Variants in IGSF10 observed in about 807,000 individuals in gnomAD.
IGSF10 encodes the protein calvaria mechanical force protein 608.
A neutral mutation model predicts 128.2 loss-of-function variants in IGSF10; 126 were observed. The observed-to-expected ratio is 0.98, with a 90% CI of 0.85 to 1.14. The LOEUF (loss-of-function observed/expected upper bound fraction) is 1.14, where lower values mean the gene tolerates loss of function less well. Ranked by LOEUF, IGSF10 falls within the 50% of genes most tolerant of loss-of-function variation. IGSF10 has a pLI of 0.00. For missense variants in IGSF10, 3,295 were observed against 3,149.8 expected (o/e 1.05, Z -1.10); for synonymous variants, 1,185 against 1,146.2 (o/e 1.03, Z -0.68).
At position 151,436,825 on chromosome 3, in the gene IGSF10, T is replaced by G. The variant is rs780722801; in HGVS notation, c.7736A>C (p.His2579Pro). 16 of 1,614,134 alleles carry G rather than the reference T, an allele frequency of 9.9e-6. No homozygotes were observed. The highest frequency in any genetic ancestry group is 1.7e-4 in the Middle Eastern group (1 of 6,060). Residue 2579 changes from histidine to proline, a missense_variant, in exon 8 of 8, where the codon CAT (histidine) becomes CCT (proline). Physicochemically the swap from His to Pro is moderately conservative, Grantham distance 77. Coordinates refer to ENST00000282466, the MANE Select transcript of IGSF10 (RefSeq NM_178822.5). ...TTGTAAGTGAAGCTGCTCACTTCCA[T>G]GTGTCCTCTCTTTACTTGCCGTTGA... The part of the protein sequence containing the change: ...LLSTASKERT[H>P]GSEQLHLQGT...
chr3:151,519,042 GA>G, the IGSF10 span, among the ~76,000 whole-genome samples: 1 of 151,864 alleles, frequency 6.6e-6, no homozygotes, highest in Admixed American at 6.6e-5. Context: ...AAAATGCCAA[GA>G]AAATGAAATG....
chr3:151,487,642 T>C, the IGSF10 span, among the ~76,000 whole-genome samples: 1 of 152,164 alleles, frequency 6.6e-6, no homozygotes, highest in Non-Finnish European at 1.5e-5. Context: ...CATGATCAAG[T>C]TGGCTTCATC....
the IGSF10 span, among the ~76,000 whole-genome samples, chr3:151,598,469 G>C: frequency 6.6e-6 from 1 of 152,148 alleles, no homozygotes; most frequent in East Asian, 1.9e-4. Flanking sequence ...GTATCCATGG[G>C]GGATTGGTTC....
At chr3:151,523,891 T>G in the IGSF10 span, among the ~76,000 whole-genome samples, 3 of 152,070 alleles carry the variant, frequency 2.0e-5, no homozygotes, top group Non-Finnish European at 2.9e-5. Context: ...GGGGAGAAAA[T>G]TTTTGTAAAC....
At chr3:151,494,801 A>G in the IGSF10 span, among the ~76,000 whole-genome samples, 72,918 of 151,992 alleles carry the variant, frequency 0.48, 17,876 homozygotes, top group South Asian at 0.57. Context: ...ATGTGCCAGG[A>G]TTTGCTGGCA....
chr3:151,578,033 G>T, the IGSF10 span, among the ~76,000 whole-genome samples: 2 of 152,198 alleles, frequency 1.3e-5, no homozygotes, highest in African/African-American at 4.8e-5. Context: ...TAAGGATGGT[G>T]GTTTGTTTCA....
chr3:151,515,260 C>G, the IGSF10 span, among the ~76,000 whole-genome samples: 1 of 151,966 alleles, frequency 6.6e-6, no homozygotes, highest in Non-Finnish European at 1.5e-5. Flanking sequence ...AAATGTGGCA[C>G]ATGTATGCCA....
At chr3:151,485,681 A>C in the IGSF10 span, among the ~76,000 whole-genome samples, 2 of 152,178 alleles carry the variant, frequency 1.3e-5, no homozygotes, top group Non-Finnish European at 2.9e-5. Context: ...TCAACCCAGA[A>C]TTTCGTATCC....
the IGSF10 span, among the ~76,000 whole-genome samples, chr3:151,617,640 G>GAATTA: frequency 4.3e-4 from 66 of 152,094 alleles, no homozygotes; most frequent in Non-Finnish European, 2.1e-4. Context: ...TTGGGGATGT[G>GAATTA]AGGGTAGAAT....
At chr3:151,553,216 A>C in the IGSF10 span, among the ~76,000 whole-genome samples, 1 of 152,146 alleles carries the variant, frequency 6.6e-6, no homozygotes, top group Non-Finnish European at 1.5e-5. Flanking sequence ...ATAGATGGTA[A>C]TATAAAGACA....
Position 151,443,750 on chromosome 3 carries a change from G to A in IGSF10, c.5197C>T (p.His1733Tyr). ...CSASNLFGTD[H>Y]LHVTLSVVSY... ...ACCACAGACAAGGTGACATGAAGGT[G>A]GTCTGTGCCAAACAGATTGGATGCG... Residue 1733 changes from histidine to tyrosine, a missense_variant, in exon 7 of 8, where the codon CAC (histidine) becomes TAC (tyrosine). His to Tyr is a moderately conservative substitution (Grantham distance 83, BLOSUM62 2). Coordinates refer to ENST00000282466, the MANE Select transcript of IGSF10 (RefSeq NM_178822.5). 1 of 1,614,164 alleles carries A rather than the reference G, an allele frequency of 6.2e-7. No homozygotes were observed. The highest frequency in any genetic ancestry group is 8.5e-7 in the Non-Finnish European group (1 of 1,180,036).
the IGSF10 span, among the ~76,000 whole-genome samples, chr3:151,475,449 C>T: frequency 1.3e-5 from 2 of 152,194 alleles, no homozygotes; most frequent in African/African-American, 2.4e-5. Flanking sequence ...GGGGATGAAC[C>T]ATAACCTAAC....
chr3:151,614,322 T>C, the IGSF10 span, among the ~76,000 whole-genome samples: 1 of 152,200 alleles, frequency 6.6e-6, no homozygotes, highest in Non-Finnish European at 1.5e-5. Context: ...CATTACTGGG[T>C]ATATACCCAA....
the IGSF10 span, among the ~76,000 whole-genome samples, chr3:151,546,899 T>TCTC: frequency 6.6e-6 from 1 of 152,116 alleles, no homozygotes; most frequent in Non-Finnish European, 1.5e-5. Flanking sequence ...GCCTCCTGAG[T>TCTC]AGCTGGTATT....
the IGSF10 span, among the ~76,000 whole-genome samples, chr3:151,618,844 AG>A: frequency 6.6e-6 from 1 of 151,140 alleles, no homozygotes; most frequent in African/African-American, 2.4e-5. Flanking sequence ...TATGTATGCC[AG>A]GAGGCAAGTA....
chr3:151,598,537 T>C, the IGSF10 span, among the ~76,000 whole-genome samples: 1 of 152,206 alleles, frequency 6.6e-6, no homozygotes, highest in African/African-American at 2.4e-5. Flanking sequence ...TATAGAATGG[T>C]ATAACATTTG....
At chr3:151,539,227 C>A in the IGSF10 span, among the ~76,000 whole-genome samples, 2 of 152,148 alleles carry the variant, frequency 1.3e-5, no homozygotes, top group African/African-American at 4.8e-5. Flanking sequence ...CACAGCAGTC[C>A]AGACAAACGC....
At position 151,446,993 on chromosome 3, in the gene IGSF10, G is replaced by C; in HGVS notation, c.2988C>G (p.Ile996Met). 1 of 1,614,196 alleles carries C rather than the reference G, an allele frequency of 6.2e-7. No homozygotes were observed. Among genetic ancestry groups the C allele is most frequent in the Non-Finnish European group, 8.5e-7 (1 of 1,180,038 alleles). ...GGATGTTAACTGTACTATTTCTAGGGATCGGAAACTGAGAATGAGCAGCTG... is the reference window on the plus strand; with the variant it reads ...GGATGTTAACTGTACTATTTCTAGGCATCGGAAACTGAGAATGAGCAGCTG... ...PHTAAHSQFP[I>M]PRNSTVNIPL... The change falls in exon 6 of 8, where the codon ATC becomes ATG. Residue 996 changes from isoleucine to methionine, a missense_variant. By Grantham distance (10) the Ile-to-Met change is conservative. Coordinates refer to ENST00000282466, the MANE Select transcript of IGSF10 (RefSeq NM_178822.5).
At position 151,437,217 on chromosome 3, in the gene IGSF10, T is replaced by G. The variant is rs1211202413; in HGVS notation, c.7344A>C (p.Glu2448Asp). Residue 2448 changes from glutamate (E) to aspartate (D), a missense_variant, in exon 8 of 8, where the codon GAA (glutamate) becomes GAC (aspartate). Transcript: ENST00000282466. ...APGTVKGISG[E>D]SLSLHCVSDG... is the part of the protein sequence containing the mutation. ...CAGACACACAATGCAGTGATAGAGA[T>G]TCTCCACTGATGCCTTTTACTGTCC... 6.2e-7 allele frequency: 1 copy of G among 1,614,156 alleles called. No individual in the cohort carries two copies. Among genetic ancestry groups the G allele is most frequent in the East Asian group, 2.2e-5 (1 of 44,886 alleles).
Sources: gnomAD v4.1 joint callset for allele counts (sites outside exome capture counted in the v4.1 genomes callset) on GRCh38, gnomAD v4.1.1 for gene constraint, MANE v1.5 for transcripts, NCBI Gene and HGNC (gene_info 2026-07-23, HGNC 2026-07-21) for gene names.